JMJD1C: variants seen among roughly 807,000 people sequenced by gnomAD.
The protein encoded by JMJD1C is jumonji domain-containing protein 1C.
In JMJD1C, 31 loss-of-function variants were observed where a neutral mutation model predicts 245.3. The observed-to-expected ratio is 0.13, with a 90% CI of 0.09 to 0.17. The LOEUF is 0.17. JMJD1C is among the 10% of genes least tolerant of loss of function. The pLI, the probability that JMJD1C is intolerant of heterozygous loss-of-function variation, is 1.00. For synonymous variants in JMJD1C, 1,057 were observed against 1,017.4 expected, an observed-to-expected ratio of 1.04 and a Z score of -0.74; for missense variants, 2,691 against 3,000.2, an observed-to-expected ratio of 0.90 and a Z score of 2.41.
chr10:63,315,997 CT>C (rs759201598), intron 2 of JMJD1C, among the ~76,000 whole-genome samples: 15 of 152,040 alleles, frequency 9.9e-5, no homozygotes, highest in Non-Finnish European at 1.8e-4. Flanking sequence ...AGTGAGACCC[CT>C]GTCTCCTTAA....
At chr10:63,353,147 T>G (rs1322900378) in intron 2 of JMJD1C, among the ~76,000 whole-genome samples, 4 of 152,226 alleles carry the variant, frequency 2.6e-5, no homozygotes, top group Non-Finnish European at 5.9e-5. Context: ...GACAGCCCTT[T>G]CATGAAGACA....
intron 1 of JMJD1C, among the ~76,000 whole-genome samples, chr10:63,464,341 C>T (rs1953025673): frequency 6.6e-6 from 1 of 151,966 alleles, no homozygotes; most frequent in Non-Finnish European, 1.5e-5. Flanking sequence ...CAAAAACACA[C>T]TCAGAAACTA....
rs1940989577 is a variant in JMJD1C at position 63,322,485 on chromosome 10, A to G, written c.334-57721T>C. Among the ~76,000 whole-genome samples, 9 of 152,314 alleles carry G rather than the reference A, an allele frequency of 5.9e-5. 1 individual carries two copies. In the South Asian group the frequency reaches 1.9e-3, roughly 32 times the overall value. On this transcript the variant is annotated intron_variant, in intron 2 of 25. Coordinates refer to ENST00000399262, the MANE Select transcript of JMJD1C (RefSeq NM_032776.3). Reference sequence around the variant, plus strand: ...TACAAAATGCAAGAAATTAAGATAGAATAGGGTTTAACTTTTTACACTTAT... The same window carrying G: ...TACAAAATGCAAGAAATTAAGATAGGATAGGGTTTAACTTTTTACACTTAT...
chr10:63,314,548 A>G (rs9415690), intron 2 of JMJD1C, among the ~76,000 whole-genome samples: 2,259 of 151,836 alleles, frequency 0.015, 51 homozygotes, highest in African/African-American at 0.052. Flanking sequence ...CCCTGTCACA[A>G]ACACACACAC....
chr10:63,261,419 GA>G (rs574287821), intron 3 of JMJD1C, among the ~76,000 whole-genome samples: 27 of 151,952 alleles, frequency 1.8e-4, no homozygotes. Context: ...CATCTCTACT[GA>G]AAATACAAAT....
intron 1 of JMJD1C, among the ~76,000 whole-genome samples, chr10:63,390,025 A>T (rs936237508): frequency 1.3e-5 from 2 of 152,174 alleles, no homozygotes; most frequent in Non-Finnish European, 2.9e-5. Flanking sequence ...AGAAGGAAAG[A>T]AACAATTAAG....
chr10:63,464,270 C>A (rs993233496), intron 1 of JMJD1C, among the ~76,000 whole-genome samples: 1 of 152,084 alleles, frequency 6.6e-6, no homozygotes, highest in Non-Finnish European at 1.5e-5. Flanking sequence ...GATATCGAGT[C>A]AATATTAATA....
chr10:63,185,945 T>G (rs973080294), intron 19 of JMJD1C, among the ~76,000 whole-genome samples: 3 of 152,218 alleles, frequency 2.0e-5, no homozygotes, highest in African/African-American at 7.2e-5. Context: ...TCAAAGAGTT[T>G]TACATAAATA....
chr10:63,387,441 A>T (rs2134560791), intron 1 of JMJD1C, among the ~76,000 whole-genome samples: 1 of 152,072 alleles, frequency 6.6e-6, no homozygotes, highest in Non-Finnish European at 1.5e-5. Context: ...ACAATTCAGG[A>T]TATGAATGAA....
rs557887242 is a variant in JMJD1C, at chr10:63,193,858, G to T, written c.5735-386C>A. ...ATTTTTTGTATTTTTAGTAGAAACGGGGTTTCACTGTGTTAGCCAGGATGG... is the reference window on the plus strand; with the variant it reads ...ATTTTTTGTATTTTTAGTAGAAACGTGGTTTCACTGTGTTAGCCAGGATGG... On this transcript the variant is annotated intron_variant, in intron 14 of 25. Transcript: ENST00000399262. Among the ~76,000 whole-genome samples, 5 of 152,200 alleles carry T rather than the reference G, an allele frequency of 3.3e-5. No homozygotes were observed. The East Asian group carries it at 9.6e-4, about 29-fold the overall frequency.
At chr10:63,229,335 G>A (rs879271085) in intron 3 of JMJD1C, among the ~76,000 whole-genome samples, 4 of 151,804 alleles carry the variant, frequency 2.6e-5, no homozygotes, top group Non-Finnish European at 4.4e-5. Context: ...TTTCCAAAAC[G>A]TAATTATACA....
chr10:63,320,917 G>T (rs1215729835), intron 2 of JMJD1C, among the ~76,000 whole-genome samples: 3 of 152,180 alleles, frequency 2.0e-5, no homozygotes, highest in Non-Finnish European at 2.9e-5. Flanking sequence ...TAGAGAGTTG[G>T]AAAGTTCATA....
chr10:63,403,032 G>A (rs1186365804), intron 1 of JMJD1C, among the ~76,000 whole-genome samples: 1 of 152,150 alleles, frequency 6.6e-6, no homozygotes, highest in Non-Finnish European at 1.5e-5. Flanking sequence ...AGGAAAGCAT[G>A]ATTGAAATAA....
chr10:63,348,512 A>G (rs573072528), intron 2 of JMJD1C, among the ~76,000 whole-genome samples: 1 of 152,222 alleles, frequency 6.6e-6, no homozygotes, highest in East Asian at 1.9e-4. Flanking sequence ...TGCCATTCAC[A>G]AACAGTAAAT....
chr10:63,283,642 C>G (rs1400190247), intron 2 of JMJD1C, among the ~76,000 whole-genome samples: 1 of 152,178 alleles, frequency 6.6e-6, no homozygotes, highest in Non-Finnish European at 1.5e-5. Context: ...GCTGGGATTA[C>G]AGGCGTGAGC....
rs558181599 is a variant in JMJD1C, at chr10:63,272,306, C to G, written c.334-7542G>C. ...GCTCTTTTTTGCCCAGGCTGGAGTG[C>G]AATGGCACAATCTCGGCTCACTGCA... is the stretch of plus-strand genomic sequence containing the variant. On this transcript the variant is annotated intron_variant, in intron 2 of 25. Transcript: ENST00000399262. 5.3e-5 allele frequency among the ~76,000 whole-genome samples: 8 copies of G among 152,122 alleles called. No individual in the cohort carries two copies. In the South Asian group the frequency reaches 6.2e-4, roughly 12 times the overall value.
intron 1 of JMJD1C, among the ~76,000 whole-genome samples, chr10:63,398,937 G>A (rs965865051): frequency 6.6e-6 from 1 of 152,294 alleles, no homozygotes; most frequent in East Asian, 1.9e-4. Flanking sequence ...GGGAGCCACC[G>A]CTCCTGGCCA....
At position 63,465,693 on chromosome 10, in the gene JMJD1C, C is replaced by T; in HGVS notation, c.-31G>A. The T allele has an allele frequency of 6.2e-7, 1 of 1,603,498 alleles. No homozygotes were observed. Among genetic ancestry groups the T allele is most frequent in the Non-Finnish European group, 8.5e-7 (1 of 1,179,390 alleles). On this transcript the variant is annotated 5_prime_UTR_variant, in exon 1 of 26. Transcript: ENST00000399262. Reference sequence around the variant, plus strand: ...TCGCTGCCGAAGCGGCCGCTGCCTCCTCCAGTGCGAGGGAACCGATGAAAC... The same window carrying T: ...TCGCTGCCGAAGCGGCCGCTGCCTCTTCCAGTGCGAGGGAACCGATGAAAC...
intron 1 of JMJD1C, among the ~76,000 whole-genome samples, chr10:63,428,540 G>C (rs1950570244): frequency 6.6e-6 from 1 of 152,140 alleles, no homozygotes; most frequent in Non-Finnish European, 1.5e-5. Context: ...TTGCACAGAA[G>C]CAGGGCTTTG....
Sources: allele counts gnomAD v4.1 joint callset (sites outside exome capture counted in the v4.1 genomes callset), GRCh38; gene constraint gnomAD v4.1.1; transcripts MANE v1.5; gene names NCBI Gene and HGNC (gene_info 2026-07-23, HGNC 2026-07-21).